Variants in CDK13 observed in about 807,000 individuals in gnomAD.
CDK13 encodes the protein cyclin-dependent kinase 13.
Under a neutral mutation model 137.6 loss-of-function variants are expected in CDK13, and 40 were observed. That is an observed-to-expected ratio of 0.29 (90% confidence interval 0.23 to 0.38). The LOEUF (loss-of-function observed/expected upper bound fraction) is 0.38. CDK13 is among the 10% of genes least tolerant of loss of function. The pLI, the probability that CDK13 is intolerant of heterozygous loss-of-function variation, is 1.00. For missense variants in CDK13, 1,704 were observed against 1,951.8 expected (o/e 0.87, Z 2.39); for synonymous variants, 869 against 760.1 (o/e 1.14, Z -2.36).
At chr7:39,962,233 A>G (rs1783760546) in intron 1 of CDK13, among the ~76,000 whole-genome samples, 1 of 152,208 alleles carries the variant, frequency 6.6e-6, no homozygotes, top group African/African-American at 2.4e-5. Flanking sequence ...CAATGGTTGA[A>G]CTAGTTTACA....
intron 5 of CDK13, among the ~76,000 whole-genome samples, chr7:40,038,281 T>C (rs1785529586): frequency 1.3e-5 from 2 of 152,226 alleles, no homozygotes; most frequent in South Asian, 4.1e-4. Flanking sequence ...TGCTGAAGTT[T>C]ACTCCATGTT....
chr7:40,070,010 C>G (rs1211025234), intron 9 of CDK13: 2 of 128,570 alleles, frequency 1.6e-5, no homozygotes, highest in Non-Finnish European at 3.1e-5. Context: ...GTCATGAGGT[C>G]AGGAGATCAA....
intron 7 of CDK13, among the ~76,000 whole-genome samples, chr7:40,058,426 G>C (rs1327252384): frequency 6.6e-6 from 1 of 152,048 alleles, no homozygotes; most frequent in Non-Finnish European, 1.5e-5. Context: ...TGTAATCCAA[G>C]CTACTCCAGA....
chr7:40,026,527 A>G (rs1342504420), intron 5 of CDK13, among the ~76,000 whole-genome samples: 2 of 152,210 alleles, frequency 1.3e-5, no homozygotes, highest in Non-Finnish European at 2.9e-5. Context: ...ATAAATAAAT[A>G]ACAATCTACC....
intron 1 of CDK13, among the ~76,000 whole-genome samples, chr7:39,956,143 T>G (rs1418811021): frequency 6.6e-6 from 1 of 152,136 alleles, no homozygotes; most frequent in Non-Finnish European, 1.5e-5. Flanking sequence ...ATATACTTAA[T>G]AGAAATAAGT....
At chr7:39,965,080 C>G (rs1025853774) in intron 1 of CDK13, among the ~76,000 whole-genome samples, 3 of 152,248 alleles carry the variant, frequency 2.0e-5, no homozygotes, top group African/African-American at 7.2e-5. Flanking sequence ...TGGTGTGGTG[C>G]TGAAAAGAAT....
intron 7 of CDK13, among the ~76,000 whole-genome samples, chr7:40,053,623 C>T (rs1775346564): frequency 6.6e-6 from 1 of 151,938 alleles, no homozygotes; most frequent in African/African-American, 2.4e-5. Context: ...CAATTCAGGC[C>T]CTACCGCCTT....
chr7:40,052,506 A>G (rs909238621), intron 7 of CDK13, among the ~76,000 whole-genome samples: 6 of 152,136 alleles, frequency 3.9e-5, no homozygotes, highest in African/African-American at 7.2e-5. Context: ...TAATATTACT[A>G]TGATCAAAAT....
At chr7:40,015,274 G>A (rs1784980441) in intron 5 of CDK13, among the ~76,000 whole-genome samples, 1 of 152,194 alleles carries the variant, frequency 6.6e-6, no homozygotes, top group African/African-American at 2.4e-5. Flanking sequence ...CTGTGGGCAA[G>A]TAGGGAAGGG....
At chr7:40,003,474 T>G (rs1013668189) in intron 5 of CDK13, among the ~76,000 whole-genome samples, 6 of 152,132 alleles carry the variant, frequency 3.9e-5, no homozygotes, top group African/African-American at 1.4e-4. Flanking sequence ...TGACTTAAAT[T>G]AGAATGTCTG....
At chr7:39,996,201 A>G (rs112362424) in intron 2 of CDK13, among the ~76,000 whole-genome samples, 14 of 152,352 alleles carry the variant, frequency 9.2e-5, no homozygotes, top group African/African-American at 3.1e-4. Context: ...ATTCAACACG[A>G]ATAGGAGGAT....
intron 9 of CDK13, among the ~76,000 whole-genome samples, chr7:40,075,651 A>G (rs1786530544): frequency 6.6e-6 from 1 of 151,736 alleles, no homozygotes; most frequent in South Asian, 2.1e-4. Context: ...GATGTCAGAC[A>G]AGAGTCAAAT....
At chr7:40,021,404 G>C (rs1309647515) in intron 5 of CDK13, among the ~76,000 whole-genome samples, 2 of 151,950 alleles carry the variant, frequency 1.3e-5, no homozygotes, top group Non-Finnish European at 2.9e-5. Flanking sequence ...GCTGAGGCAG[G>C]AGAATCGCTT....
At chr7:40,058,836 A>G (rs914820696) in intron 7 of CDK13, among the ~76,000 whole-genome samples, 2 of 152,178 alleles carry the variant, frequency 1.3e-5, no homozygotes, top group East Asian at 1.9e-4. Context: ...TTTTTCTGCA[A>G]TGGATTGTGA....
At chr7:39,983,533 T>A (rs1784274163) in intron 1 of CDK13, among the ~76,000 whole-genome samples, 1 of 152,254 alleles carries the variant, frequency 6.6e-6, no homozygotes, top group African/African-American at 2.4e-5. Flanking sequence ...GGATTTTACC[T>A]ATTATCTTTG....
At chr7:39,952,816 G>C (rs1313339972) in intron 1 of CDK13, 1 of 123,908 alleles carries the variant, frequency 8.1e-6, no homozygotes, top group Non-Finnish European at 1.9e-5. Context: ...AAACTTTTCT[G>C]TAGCTTTCTT....
At chr7:40,073,487 A>G (rs1240963811) in intron 9 of CDK13, 1 of 152,262 alleles carries the variant, frequency 6.6e-6, no homozygotes. Context: ...CCTGGGTGAC[A>G]GTGAGACCTT....
intron 12 of CDK13, chr7:40,092,241 T>G (rs926038560): frequency 6.5e-6 from 1 of 152,792 alleles, no homozygotes; most frequent in Non-Finnish European, 1.5e-5. Flanking sequence ...AAGTACGGTG[T>G]AGTTAAGAGC....
chr7:40,065,445 C>A (rs1306641913), intron 9 of CDK13, among the ~76,000 whole-genome samples: 1 of 151,622 alleles, frequency 6.6e-6, no homozygotes, highest in Non-Finnish European at 1.5e-5. Context: ...TACAGTAACA[C>A]TAATGATAGC....
Sources: gnomAD v4.1 joint callset for allele counts (sites outside exome capture counted in the v4.1 genomes callset) on GRCh38, gnomAD v4.1.1 for gene constraint, MANE v1.5 for transcripts, NCBI Gene and HGNC (gene_info 2026-07-23, HGNC 2026-07-21) for gene names.